Variants in TBC1D16 observed in about 807,000 individuals in gnomAD.
TBC1D16 encodes the protein CTD-2529O21.1.
TBC1D16 carries 58 observed loss-of-function variants against 74.7 expected under a neutral mutation model. The ratio of observed to expected loss-of-function variants is 0.78; its 90% CI spans 0.63 to 0.97. The LOEUF (loss-of-function observed/expected upper bound fraction) is 0.97. Ranked by LOEUF, TBC1D16 falls within the 50% of genes least tolerant of loss-of-function variation. The probability of loss-of-function intolerance (pLI) is 0.00; values close to 1 mark genes in which losing one functional copy is unlikely to be tolerated. For missense variants in TBC1D16, 1,014 were observed against 1,079.5 expected, an observed-to-expected ratio of 0.94 and a Z score of 0.85; for synonymous variants, 493 against 474.7, an observed-to-expected ratio of 1.04 and a Z score of -0.50.
At position 80,035,343 on chromosome 17, in the gene TBC1D16, C is replaced by CG. The variant is rs2036941478; in HGVS notation, c.-63+451dup. ...GCCCAGACCACCAAGCCCGACAGGC[C>CG]GGGAAAGCTGAGCGCGCGCTGCTGG... is the stretch of plus-strand genomic sequence containing the variant. On this transcript the variant is annotated intron_variant, in intron 1 of 11. Coordinates refer to ENST00000310924, the MANE Select transcript of TBC1D16 (RefSeq NM_019020.4). The surrounding 1 kb of genome is among the most constrained non-coding windows in gnomAD (Gnocchi z 5.3). Among the ~76,000 whole-genome samples the CG allele has an allele frequency of 6.6e-6, 1 of 152,016 alleles. No homozygotes were observed. The highest frequency in any genetic ancestry group is 2.4e-5 in the African/African-American group (1 of 41,408).
chr17:79,998,146 AAGAC>A (rs1227096476), intron 3 of TBC1D16, among the ~76,000 whole-genome samples: 9 of 150,180 alleles, frequency 6.0e-5, no homozygotes, highest in East Asian at 1.9e-4. Flanking sequence ...AAAAAAAAAA[AAGAC>A]AAGAAAAGAA....
chr17:80,015,869 G>C (rs2036068556), intron 1 of TBC1D16, among the ~76,000 whole-genome samples: 1 of 152,070 alleles, frequency 6.6e-6, no homozygotes, highest in Non-Finnish European at 1.5e-5. Flanking sequence ...AAATTAGCCA[G>C]GTGTGGTGGC....
chr17:79,979,381 C>G lies in TBC1D16; in HGVS notation c.780-26563G>C, dbSNP rs1039188828. Among the ~76,000 whole-genome samples the G allele has an allele frequency of 1.3e-5, 2 of 152,156 alleles. No homozygotes were observed. The highest frequency in any genetic ancestry group is 2.9e-5 in the Non-Finnish European group (2 of 68,020). ...CAGAGGGATCAAGGGCTCAGGCATCCCCAGTGCCGCCAATCACGTGGCCCT... is the reference window on the plus strand; with the variant it reads ...CAGAGGGATCAAGGGCTCAGGCATCGCCAGTGCCGCCAATCACGTGGCCCT... On this transcript the variant is annotated intron_variant, in intron 3 of 11. Transcript: ENST00000310924. The surrounding 1 kb of genome is among the most constrained non-coding windows in gnomAD (Gnocchi z 4.8).
In TBC1D16 at chr17:79,986,016, G is replaced by A. The variant is rs965555464; in HGVS notation, c.779+24144C>T. Among the ~76,000 whole-genome samples, 17 of 152,244 alleles carry A rather than the reference G, an allele frequency of 1.1e-4. No homozygotes were observed. Among genetic ancestry groups the A allele is most frequent in the South Asian group, 2.1e-4 (1 of 4,830 alleles). On this transcript the variant is annotated intron_variant, in intron 3 of 11. Transcript: ENST00000310924. The surrounding 1 kb of genome is among the most constrained non-coding windows in gnomAD (Gnocchi z 6.0). ...GGCGGCATAAGGGGCGCGGCCCTCC[G>A]CTCTTCAGAACGGCTGGTGTCTGCT...
intron 1 of TBC1D16, among the ~76,000 whole-genome samples, chr17:80,028,421 C>T (rs1381618416): frequency 3.3e-5 from 5 of 151,036 alleles, no homozygotes; most frequent in African/African-American, 4.9e-5. Context: ...CACAGTTGCT[C>T]GGGAGGCTGA....
intron 1 of TBC1D16, among the ~76,000 whole-genome samples, chr17:80,031,444 G>A (rs2036772228): frequency 6.6e-6 from 1 of 152,132 alleles, no homozygotes; most frequent in Admixed American, 6.6e-5. Flanking sequence ...CTGCAGTGCT[G>A]GGATCTTGGA....
intron 7 of TBC1D16, 109 bp downstream of exon 7, chr17:79,949,608 T>C: frequency 7.3e-7 from 1 of 1,372,360 alleles, no homozygotes; most frequent in Admixed American, 2.2e-5. Flanking sequence ...AAAGAAACTA[T>C]GGGTCACGAA....
rs963211488 is a variant in TBC1D16 at position 80,008,979 on chromosome 17, T to C, written c.779+1181A>G. Among the ~76,000 whole-genome samples, 5 of 152,188 alleles carry C rather than the reference T, an allele frequency of 3.3e-5. No individual in the cohort carries two copies. Among genetic ancestry groups the C allele is most frequent in the African/African-American group, 1.2e-4 (5 of 41,452 alleles). The stretch of plus-strand genomic sequence containing the variant: ...ACCCAGCTGGGTTCACATCCCAGCT[T>C]GGCCCGGGCACTGGCTGGGAGACCC... On this transcript the variant is annotated intron_variant, in intron 3 of 11. Coordinates refer to ENST00000310924, the MANE Select transcript of TBC1D16 (RefSeq NM_019020.4). The surrounding 1 kb of genome is among the most constrained non-coding windows in gnomAD (Gnocchi z 4.5).
At chr17:79,945,134 C>T in intron 9 of TBC1D16, 47 bp from the exon 10 acceptor site, 1 of 1,506,676 alleles carries the variant, frequency 6.6e-7, no homozygotes, top group African/African-American at 1.4e-5. Context: ...TCCCATGCGG[C>T]CTGCTGCCCA....
Position 79,940,977 on chromosome 17 carries a change from T to C in TBC1D16, c.2186A>G (p.His729Arg). The C allele has an allele frequency of 6.2e-7, 1 of 1,607,276 alleles. No homozygotes were observed. Among genetic ancestry groups the C allele is most frequent in the Non-Finnish European group, 8.5e-7 (1 of 1,177,638 alleles). The change falls in exon 12 of 12, where the codon CAT becomes CGT. Residue 729 changes from histidine to arginine, a missense_variant. Transcript: ENST00000310924. This position sits in a 1 kb window ranked among gnomAD's most constrained non-coding sequence, Gnocchi z 5.4. ...GTAGGGACAGCTCTCCGAGCCGGGA[T>C]GGTGGCCGGTGCACTCCACCGCGGG... is the stretch of plus-strand genomic sequence containing the variant. ...SMPAVECTGH[H>R]PGSESCPYGG...
In TBC1D16 at chr17:80,008,189, C is replaced by T. The variant is rs1349221440; in HGVS notation, c.779+1971G>A. Among the ~76,000 whole-genome samples the T allele has an allele frequency of 2.0e-5, 3 of 152,068 alleles. No homozygotes were observed. Among genetic ancestry groups the T allele is most frequent in the Non-Finnish European group, 4.4e-5 (3 of 68,016 alleles). ...CAGCCAGGTTGAAGAACCAGCAAGG[C>T]GAAGGGCGGGGAAAAGCGAACCGGG... On this transcript the variant is annotated intron_variant, in intron 3 of 11. Transcript: ENST00000310924. The surrounding 1 kb of genome is among the most constrained non-coding windows in gnomAD (Gnocchi z 4.5).
chr17:79,996,651 C>A (rs922125296), intron 3 of TBC1D16, among the ~76,000 whole-genome samples: 1 of 152,098 alleles, frequency 6.6e-6, no homozygotes, highest in Non-Finnish European at 1.5e-5. Context: ...GAGGCCGAGG[C>A]GGGAGGATTG....
chr17:80,011,327 G>A (rs1359313444), intron 2 of TBC1D16, among the ~76,000 whole-genome samples: 2 of 151,660 alleles, frequency 1.3e-5, no homozygotes, highest in East Asian at 3.9e-4. Context: ...GATTACAGGC[G>A]ATGAGCCACG....
intron 1 of TBC1D16, among the ~76,000 whole-genome samples, chr17:80,021,928 A>G (rs979300340): frequency 6.8e-6 from 1 of 148,148 alleles, no homozygotes; most frequent in African/African-American, 2.6e-5. Flanking sequence ...ACACAAACAC[A>G]TACCATGACA....
Position 79,944,853 on chromosome 17 carries a change from G to T in TBC1D16, c.1908+55C>A. On this transcript the variant is annotated intron_variant, in intron 10 of 11. Transcript: ENST00000310924. The surrounding 1 kb of genome is among the most constrained non-coding windows in gnomAD (Gnocchi z 7.7). Reference sequence around the variant, plus strand: ...AGGGGCAGCAGGCAGGGTGGCCACGGTGGTTCAGGGGCCATGGTCCCAACC... The same window carrying T: ...AGGGGCAGCAGGCAGGGTGGCCACGTTGGTTCAGGGGCCATGGTCCCAACC... The T allele has an allele frequency of 6.8e-7, 1 of 1,468,712 alleles. No individual in the cohort carries two copies. The highest frequency in any genetic ancestry group is 2.3e-4 in the Middle Eastern group (1 of 4,280). The allele number at this position is 1,468,712 out of a possible 1,614,324, so 91.0% of individuals were successfully genotyped here.
chr17:80,024,359 A>ACCATAG (rs2036411951), intron 1 of TBC1D16, among the ~76,000 whole-genome samples: 1 of 142,626 alleles, frequency 7.0e-6, no homozygotes, highest in Non-Finnish European at 1.5e-5. Context: ...TACCACACAC[A>ACCATAG]ACACACACCA....
Position 79,948,695 on chromosome 17 carries a change from T to C in TBC1D16, c.1541+177A>G, listed in dbSNP as rs74001792. On this transcript the variant is annotated intron_variant, in intron 8 of 11. Transcript: ENST00000310924. ...TGGCTTCCCTGGGATGCCATGGCTC[T>C]GAGATGCCAACTGACGTAGCTCATG... 7.4e-3 allele frequency among the ~76,000 whole-genome samples: 1,127 copies of C among 152,244 alleles called. 10 individuals are homozygous for C. Among genetic ancestry groups the C allele is most frequent in the African/African-American group, 0.025 (1,054 of 41,532 alleles).
chr17:79,971,484 G>A lies in TBC1D16; in HGVS notation c.780-18666C>T, dbSNP rs1020309405. Among the ~76,000 whole-genome samples the A allele has an allele frequency of 6.6e-6, 1 of 152,192 alleles. No homozygotes were observed. The highest frequency in any genetic ancestry group is 1.5e-5 in the Non-Finnish European group (1 of 68,040). On this transcript the variant is annotated intron_variant, in intron 3 of 11. Coordinates refer to ENST00000310924, the MANE Select transcript of TBC1D16 (RefSeq NM_019020.4). This position sits in a 1 kb window ranked among gnomAD's most constrained non-coding sequence, Gnocchi z 4.6. ...AAGCCCTGTCCCCCAGGTCATCCTG[G>A]TCAGCAGTTGAGTGACTCTTCTTCC... is the stretch of plus-strand genomic sequence containing the variant.
At position 80,007,354 on chromosome 17, in the gene TBC1D16, G is replaced by C. The variant is rs1327533117; in HGVS notation, c.779+2806C>G. Among the ~76,000 whole-genome samples the C allele has an allele frequency of 2.0e-5, 3 of 152,232 alleles. No homozygotes were observed. Among genetic ancestry groups the C allele is most frequent in the South Asian group, 4.1e-4 (2 of 4,830 alleles). The stretch of plus-strand genomic sequence containing the variant: ...TCACGCCGACTCTGCCCTACAAGGG[G>C]GTTCTTGGCCGCACTTCACACCCGT... On this transcript the variant is annotated intron_variant, in intron 3 of 11. Coordinates refer to ENST00000310924, the MANE Select transcript of TBC1D16 (RefSeq NM_019020.4). The surrounding 1 kb of genome is among the most constrained non-coding windows in gnomAD (Gnocchi z 4.5).
Sources: gnomAD v4.1 joint callset for allele counts (sites outside exome capture counted in the v4.1 genomes callset) on GRCh38, gnomAD v4.1.1 for gene constraint, Gnocchi (gnomAD v3.1) non-coding constraint, MANE v1.5 for transcripts, NCBI Gene and HGNC (gene_info 2026-07-23, HGNC 2026-07-21) for gene names.